The following ACYP2 variants were observed in gnomAD, a reference collection of about 807,000 sequenced individuals.
ACYP2 encodes acylphosphatase 2.
In ACYP2, 12 loss-of-function variants were observed where a neutral mutation model predicts 11.2. The ratio of observed to expected loss-of-function variants is 1.08; its 90% confidence interval spans 0.69 to 1.74. ACYP2 has a LOEUF of 1.74. Ranked by LOEUF, ACYP2 falls within the 40% of genes most tolerant of loss-of-function variation. ACYP2 has a pLI of 0.00. For missense variants in ACYP2, 134 were observed against 101.9 expected (o/e 1.31, Z -1.35); for synonymous variants, 43 against 32.2 (o/e 1.33, Z -1.13).
At chr2:54,003,688 G>A (rs1312958431) in intron 2 of ACYP2, among the ~76,000 whole-genome samples, 1 of 152,194 alleles carries the variant, frequency 6.6e-6, no homozygotes, top group East Asian at 1.9e-4. Context: ...GAATAAAACT[G>A]CTATTAATAT....
chr2:54,153,354 G>A (rs1682271996), intron 6 of ACYP2, among the ~76,000 whole-genome samples: 1 of 151,638 alleles, frequency 6.6e-6, no homozygotes, highest in Non-Finnish European at 1.5e-5. Context: ...TTTTATGTCA[G>A]TACCATGCTG....
intron 2 of ACYP2, among the ~76,000 whole-genome samples, chr2:53,994,354 GAA>G (rs1158386089): frequency 9.7e-6 from 1 of 102,982 alleles, no homozygotes; most frequent in Admixed American, 9.7e-5. Flanking sequence ...AAAAAAAAAC[GAA>G]AAAAAACAAA....
In ACYP2 at chr2:54,121,990, G is replaced by A. The variant is rs76106461; in HGVS notation, c.278-13463G>A. On this transcript the variant is annotated intron_variant, in intron 4 of 6. Transcript: ENST00000607452. ...CTGTTTTAACTGTTTGAAAGATGCC[G>A]TGGTGTATGGCTCCAGGGAACAGAA... is the stretch of plus-strand genomic sequence containing the variant. Among the ~76,000 whole-genome samples, 985 of 152,334 alleles carry A rather than the reference G, an allele frequency of 6.5e-3. 9 individuals are homozygous for A. Among genetic ancestry groups the A allele is most frequent in the African/African-American group, 0.023 (937 of 41,576 alleles).
chr2:54,018,279 T>A (rs570202238), intron 2 of ACYP2, among the ~76,000 whole-genome samples: 1 of 152,280 alleles, frequency 6.6e-6, no homozygotes, highest in African/African-American at 2.4e-5. Context: ...GGCCCAAGAA[T>A]TTGTATTTCC....
At chr2:54,269,553 T>G (rs1348450074) in intron 6 of ACYP2, among the ~76,000 whole-genome samples, 2 of 152,214 alleles carry the variant, frequency 1.3e-5, no homozygotes, top group Non-Finnish European at 2.9e-5. Context: ...AGCGTGTTCC[T>G]CACCTTCCCC....
At chr2:54,234,203 C>G (rs1162220303) in intron 6 of ACYP2, among the ~76,000 whole-genome samples, 1 of 152,152 alleles carries the variant, frequency 6.6e-6, no homozygotes, top group Non-Finnish European at 1.5e-5. Context: ...CATTTTTGTG[C>G]TAAGCTTTTG....
chr2:54,126,996 G>A (rs922716233), intron 4 of ACYP2, among the ~76,000 whole-genome samples: 1 of 150,382 alleles, frequency 6.6e-6, no homozygotes, highest in Non-Finnish European at 1.5e-5. Flanking sequence ...GTATATTACA[G>A]TGAAAGATTA....
intron 4 of ACYP2, among the ~76,000 whole-genome samples, chr2:54,117,600 T>G (rs1679887445): frequency 1.3e-5 from 2 of 152,158 alleles, no homozygotes; most frequent in African/African-American, 2.4e-5. Context: ...AGCCAGAAAT[T>G]TATTAATGAG....
chr2:54,006,169 C>T (rs114498542), intron 2 of ACYP2, among the ~76,000 whole-genome samples: 9,913 of 152,012 alleles, frequency 0.065, 422 homozygotes, highest in Non-Finnish European at 0.094. Context: ...TTTTTTGAGA[C>T]GAAGTCTCAC....
intron 2 of ACYP2, among the ~76,000 whole-genome samples, chr2:53,992,785 C>T (rs1332715328): frequency 1.4e-5 from 2 of 145,458 alleles, no homozygotes; most frequent in African/African-American, 2.6e-5. Context: ...GAGCTGAGAC[C>T]ACACCACTGT....
chr2:54,079,042 G>T (rs1050545093), intron 4 of ACYP2, among the ~76,000 whole-genome samples: 3 of 152,204 alleles, frequency 2.0e-5, no homozygotes, highest in Admixed American at 6.5e-5. Context: ...AATTCCTTTT[G>T]TAGTAGTATT....
chr2:54,260,624 G>T (rs1183139195), intron 6 of ACYP2, among the ~76,000 whole-genome samples: 2 of 152,176 alleles, frequency 1.3e-5, no homozygotes, highest in Non-Finnish European at 2.9e-5. Context: ...GGTACTGAAG[G>T]TCTCCTGGGG....
intron 6 of ACYP2, among the ~76,000 whole-genome samples, chr2:54,216,735 C>T (rs1685575737): frequency 6.6e-6 from 1 of 152,108 alleles, no homozygotes; most frequent in South Asian, 2.1e-4. Flanking sequence ...TGGGGTTTTA[C>T]CATGTTGGCC....
intron 4 of ACYP2, among the ~76,000 whole-genome samples, chr2:54,103,182 C>A (rs1485608971): frequency 6.6e-6 from 1 of 152,212 alleles, no homozygotes; most frequent in Admixed American, 6.5e-5. Flanking sequence ...CATCAGCTCT[C>A]CCACAACCAC....
chr2:53,989,175 A>T (rs1315567002), intron 2 of ACYP2, among the ~76,000 whole-genome samples: 1 of 151,982 alleles, frequency 6.6e-6, no homozygotes, highest in African/African-American at 2.4e-5. Flanking sequence ...TCAGGCCAGC[A>T]TGTGCCTGCT....
chr2:54,019,722 C>T (rs1009463654), intron 2 of ACYP2, among the ~76,000 whole-genome samples: 3 of 151,754 alleles, frequency 2.0e-5, no homozygotes, highest in Non-Finnish European at 4.4e-5. Flanking sequence ...CGGGTTCAAG[C>T]GATTCTCCTG....
At chr2:54,105,752 C>G (rs1679123657) in intron 4 of ACYP2, among the ~76,000 whole-genome samples, 1 of 152,000 alleles carries the variant, frequency 6.6e-6, no homozygotes, top group South Asian at 2.1e-4. Context: ...CCTCAGGCCC[C>G]CAAATTGCTG....
chr2:54,196,950 G>T (rs1684507323), intron 6 of ACYP2, among the ~76,000 whole-genome samples: 1 of 152,218 alleles, frequency 6.6e-6, no homozygotes. Context: ...TGGACACCAT[G>T]ATGAGAACTG....
At chr2:54,262,847 A>G (rs1687842023) in intron 6 of ACYP2, among the ~76,000 whole-genome samples, 1 of 152,208 alleles carries the variant, frequency 6.6e-6, no homozygotes, top group South Asian at 2.1e-4. Context: ...AACTGTATCA[A>G]CCTAATTAAT....
Sources: allele counts gnomAD v4.1 joint callset (sites outside exome capture counted in the v4.1 genomes callset), GRCh38; gene constraint gnomAD v4.1.1; transcripts MANE v1.5; gene names NCBI Gene and HGNC (gene_info 2026-07-23, HGNC 2026-07-21).